The following AMPH variants were observed in gnomAD, a reference collection of about 807,000 sequenced individuals.
The protein encoded by AMPH is amphiphysin.
A neutral mutation model predicts 99.1 loss-of-function variants in AMPH; 49 were observed. That is an observed-to-expected ratio of 0.49 (90% CI 0.39 to 0.63). The LOEUF (loss-of-function observed/expected upper bound fraction) is 0.63. Ranked by LOEUF, AMPH falls within the 20% of genes least tolerant of loss-of-function variation. The probability of loss-of-function intolerance (pLI) is 0.00; values close to 1 mark genes in which losing one functional copy is unlikely to be tolerated. For synonymous variants in AMPH, 314 were observed against 317.3 expected (o/e 0.99, Z 0.11); for missense variants, 759 against 863.4 (o/e 0.88, Z 1.52).
intron 11 of AMPH, among the ~76,000 whole-genome samples, chr7:38,444,638 CAG>C (rs1376176379): frequency 2.0e-5 from 3 of 152,030 alleles, no homozygotes; most frequent in Non-Finnish European, 4.4e-5. Context: ...CTAGAGCCTT[CAG>C]AGAGAGCATG....
chr7:38,436,008 C>A (rs557457001), intron 12 of AMPH, among the ~76,000 whole-genome samples: 1 of 152,248 alleles, frequency 6.6e-6, no homozygotes, highest in South Asian at 2.1e-4. Context: ...GCAACGTGGG[C>A]ACTGGTAACA....
intron 1 of AMPH, among the ~76,000 whole-genome samples, chr7:38,597,141 T>C (rs1793087067): frequency 6.6e-6 from 1 of 151,928 alleles, no homozygotes; most frequent in Non-Finnish European, 1.5e-5. Context: ...TAAAGTAAAC[T>C]AAAAGGGCAG....
At chr7:38,588,504 G>A (rs775342277) in intron 1 of AMPH, among the ~76,000 whole-genome samples, 1 of 151,938 alleles carries the variant, frequency 6.6e-6, no homozygotes, top group East Asian at 1.9e-4. Flanking sequence ...GAAAACAAAG[G>A]GCACTAAAAT....
intron 17 of AMPH, among the ~76,000 whole-genome samples, chr7:38,401,645 A>T (rs1784843484): frequency 6.6e-6 from 1 of 152,200 alleles, no homozygotes; most frequent in Non-Finnish European, 1.5e-5. Context: ...TAGTACTGAT[A>T]TGGATAAGTC....
At position 38,575,011 on chromosome 7, in the gene AMPH, G is replaced by A. The variant is rs374517448; in HGVS notation, c.70-40000C>T. 5.2e-4 allele frequency among the ~76,000 whole-genome samples: 74 copies of A among 142,484 alleles called. 3 individuals are homozygous for A. In the South Asian group the frequency reaches 0.015, roughly 28 times the overall value. The allele number at this position is 142,484 out of a possible 152,430, so 93.5% of individuals were successfully genotyped here. On this transcript the variant is annotated intron_variant, in intron 1 of 20. Transcript: ENST00000356264. ...GGAGTTTGTAGTGAGCCAAGATTGC[G>A]CCACTGCACTCCAGCCTGGTGACAG...
intron 11 of AMPH, 145 bp from the exon 12 acceptor site, chr7:38,436,533 T>C (rs1786274169): frequency 1.6e-6 from 1 of 641,886 alleles, no homozygotes; most frequent in Non-Finnish European, 2.7e-6. Flanking sequence ...CTCACCCATA[T>C]GCACCCAGTC....
At chr7:38,404,414 C>T (rs1584044936) in intron 17 of AMPH, among the ~76,000 whole-genome samples, 1 of 152,024 alleles carries the variant, frequency 6.6e-6, no homozygotes, top group Non-Finnish European at 1.5e-5. Flanking sequence ...CTTCTTGAGA[C>T]CTCCACACTC....
chr7:38,422,302 T>C (rs1263438492), intron 16 of AMPH, 119 bp downstream of exon 16: 1 of 800,502 alleles, frequency 1.2e-6, no homozygotes, highest in African/African-American at 1.8e-5. Context: ...TCTAGAAAAG[T>C]ACAGGATCCA....
chr7:38,424,256 T>A (rs13232982), intron 15 of AMPH, among the ~76,000 whole-genome samples: 9,449 of 152,274 alleles, frequency 0.062, 397 homozygotes, highest in African/African-American at 0.12. Flanking sequence ...AGCATCCCAC[T>A]TTTAAATATG....
At chr7:38,509,667 G>A (rs1169936412) in intron 2 of AMPH, among the ~76,000 whole-genome samples, 1 of 152,170 alleles carries the variant, frequency 6.6e-6, no homozygotes, top group Non-Finnish European at 1.5e-5. Context: ...CTCTCTGTGT[G>A]TGAGGAGACT....
At chr7:38,416,106 T>TAC (rs1348790476) in intron 17 of AMPH, among the ~76,000 whole-genome samples, 1 of 125,374 alleles carries the variant, frequency 8.0e-6, no homozygotes, top group Admixed American at 7.8e-5. Context: ...CATATGAATA[T>TAC]ATATATATAT....
chr7:38,441,455 T>C (rs543848393), intron 11 of AMPH, among the ~76,000 whole-genome samples: 4 of 152,176 alleles, frequency 2.6e-5, no homozygotes, highest in African/African-American at 4.8e-5. Flanking sequence ...AAATGTAACA[T>C]GATAAGCAGT....
At chr7:38,624,924 T>A (rs561601356) in intron 1 of AMPH, among the ~76,000 whole-genome samples, 75 of 151,730 alleles carry the variant, frequency 4.9e-4, no homozygotes, top group African/African-American at 1.6e-3. Context: ...TGGAAACAAG[T>A]CAGCAGAATG....
chr7:38,491,065 T>C lies in AMPH; in HGVS notation c.381A>G (p.Gln127=). 1 of 1,610,882 alleles carries C rather than the reference T, an allele frequency of 6.2e-7. No individual in the cohort carries two copies. The highest frequency in any genetic ancestry group is 8.5e-7 in the Non-Finnish European group (1 of 1,177,244). The part of the protein sequence containing the change: ...SLLTLDTYLG[Q]FPDIKNRIAK... Reference sequence around the variant, plus strand: ...AGTAAAATACCTTTATGTCAGGAAATTGCCCCAGGTAGGTATCCAGTGTTA... The same window carrying C: ...AGTAAAATACCTTTATGTCAGGAAACTGCCCCAGGTAGGTATCCAGTGTTA... The change falls in exon 5 of 21, where the codon CAA becomes CAG. Residue 127 remains glutamine, a synonymous_variant. Coordinates refer to ENST00000356264, the MANE Select transcript of AMPH (RefSeq NM_001635.4).
In AMPH at chr7:38,410,226, G is replaced by A. The variant is rs939260398; in HGVS notation, c.1398+7599C>T. Reference sequence around the variant, plus strand: ...CAGGTTGGCAGAAGGCAGAGGGAAGGCTGCCAGACATACCCAGAGACTAGA... The same window carrying A: ...CAGGTTGGCAGAAGGCAGAGGGAAGACTGCCAGACATACCCAGAGACTAGA... On this transcript the variant is annotated intron_variant, in intron 17 of 20. Transcript: ENST00000356264. Among the ~76,000 whole-genome samples the A allele has an allele frequency of 9.2e-5, 14 of 152,326 alleles. 1 individual carries two copies. In the East Asian group the frequency reaches 2.7e-3, roughly 29 times the overall value.
chr7:38,470,157 A>C (rs3823595), intron 7 of AMPH, among the ~76,000 whole-genome samples: 29,723 of 152,060 alleles, frequency 0.2, 3,123 homozygotes, highest in Middle Eastern at 0.23. Flanking sequence ...ACATATCTTC[A>C]GTCCTAAATT....
At position 38,436,285 on chromosome 7, in the gene AMPH, G is replaced by A. The variant is rs142962296; in HGVS notation, c.1121C>T (p.Ser374Leu). 10 of 1,613,772 alleles carry A rather than the reference G, an allele frequency of 6.2e-6. No homozygotes were observed. Among genetic ancestry groups the A allele is most frequent in the Non-Finnish European group, 8.5e-6 (10 of 1,179,748 alleles). Residue 374 changes from serine (S) to leucine (L), a missense_variant, in exon 12 of 21, where the codon TCA becomes TTA. This residue lies in a region of AMPH where 554 missense variants were observed against 575.6 expected (regional missense o/e 0.96). Transcript: ENST00000356264. ...TPAGSAGVTHSPMSQTLPWDL... is the reference protein window; with the variant it reads ...TPAGSAGVTHLPMSQTLPWDL... ...AGCACCTGATACCTGAGACATGGGT[G>A]AGTGGGTCACTCCAGCAGAACCTGC...
At position 38,389,138 on chromosome 7, in the gene AMPH, T is replaced by C. The variant is rs77421404; in HGVS notation, c.1980+666A>G. 4.4e-3 allele frequency among the ~76,000 whole-genome samples: 672 copies of C among 152,332 alleles called. 3 individuals are homozygous for C. The highest frequency in any genetic ancestry group is 0.015 in the African/African-American group (624 of 41,568). On this transcript the variant is annotated intron_variant, in intron 20 of 20. Transcript: ENST00000356264. ...CTCATAAATCTCTTTGAGAATAGTA[T>C]GGAAGTTAGAGTTTTTCTCTCCAGA...
intron 1 of AMPH, among the ~76,000 whole-genome samples, chr7:38,581,925 T>A (rs925007157): frequency 3.9e-5 from 6 of 152,050 alleles, no homozygotes; most frequent in African/African-American, 1.4e-4. Context: ...GGGTGCTCAT[T>A]TTTTCATGCA....
Sources: gnomAD v4.1 joint callset for allele counts (sites outside exome capture counted in the v4.1 genomes callset) on GRCh38, gnomAD v4.1.1 for gene constraint, gnomAD v4.1.1 regional missense constraint, MANE v1.5 for transcripts, NCBI Gene and HGNC (gene_info 2026-07-23, HGNC 2026-07-21) for gene names.